Variants in TRDN observed in about 807,000 individuals in gnomAD.
TRDN encodes the protein triadin in skeletal muscle.
A neutral mutation model predicts 149.7 loss-of-function variants in TRDN; 161 were observed. That is an observed-to-expected ratio of 1.08 (90% CI 0.95 to 1.23). The LOEUF (loss-of-function observed/expected upper bound fraction) is 1.23. Among genes scored for constraint, TRDN ranks in the 50% most tolerant of loss-of-function variants. TRDN has a pLI of 0.00. For synonymous variants in TRDN, 294 were observed against 250.5 expected (o/e 1.17, Z -1.64); for missense variants, 896 against 823.5 (o/e 1.09, Z -1.08).
chr6:123,621,059 C>G (rs1446814600), intron 1 of TRDN, among the ~76,000 whole-genome samples: 1 of 152,072 alleles, frequency 6.6e-6, no homozygotes, highest in African/African-American at 2.4e-5. Flanking sequence ...ATTGGTCCAG[C>G]TCCAAGTAAA....
intron 12 of TRDN, among the ~76,000 whole-genome samples, chr6:123,425,202 A>G (rs1774065095): frequency 6.6e-6 from 1 of 151,296 alleles, no homozygotes; most frequent in South Asian, 2.1e-4. Context: ...AGAGGAAAAT[A>G]CTGAGCATAG....
chr6:123,566,615 C>T (rs770888383), intron 2 of TRDN, among the ~76,000 whole-genome samples: 1 of 152,152 alleles, frequency 6.6e-6, no homozygotes, highest in African/African-American at 2.4e-5. Flanking sequence ...TTCTGGCCTT[C>T]CAAATCATTT....
At chr6:123,327,689 C>A (rs539048685) in intron 23 of TRDN, among the ~76,000 whole-genome samples, 1 of 152,028 alleles carries the variant, frequency 6.6e-6, no homozygotes, top group Non-Finnish European at 1.5e-5. Flanking sequence ...ATCTTGTATC[C>A]AGAAGTTTTG....
intron 24 of TRDN, among the ~76,000 whole-genome samples, chr6:123,286,521 A>C (rs1000408760): frequency 2.0e-5 from 3 of 151,994 alleles, no homozygotes; most frequent in African/African-American, 7.2e-5. Context: ...TTTGGGGACC[A>C]GTTTGAAAGG....
intron 24 of TRDN, among the ~76,000 whole-genome samples, chr6:123,291,993 T>C (rs1778027158): frequency 6.6e-6 from 1 of 152,150 alleles, no homozygotes; most frequent in Non-Finnish European, 1.5e-5. Context: ...TTCTATGCTG[T>C]TGGTTTTCCT....
chr6:123,559,545 C>T (rs1260091581), intron 2 of TRDN, among the ~76,000 whole-genome samples: 1 of 152,162 alleles, frequency 6.6e-6, no homozygotes, highest in African/African-American at 2.4e-5. Flanking sequence ...TCTACTCCCT[C>T]CTTGGCAACC....
chr6:123,453,766 A>G (rs868337953), intron 10 of TRDN, among the ~76,000 whole-genome samples: 7 of 152,154 alleles, frequency 4.6e-5, no homozygotes, highest in Non-Finnish European at 8.8e-5. Context: ...TATCTACCCA[A>G]AGGAAAAGAA....
At chr6:123,345,339 T>C (rs996630742) in intron 21 of TRDN, among the ~76,000 whole-genome samples, 1 of 152,040 alleles carries the variant, frequency 6.6e-6, no homozygotes, top group Admixed American at 6.6e-5. Context: ...CAAATTGTTT[T>C]TTCTCCTTTG....
At chr6:123,565,451 C>G (rs1398987052) in intron 2 of TRDN, among the ~76,000 whole-genome samples, 1 of 152,188 alleles carries the variant, frequency 6.6e-6, no homozygotes, top group Non-Finnish European at 1.5e-5. Context: ...CCATTTCACT[C>G]TCACAAGTAT....
At chr6:123,418,365 T>C (rs1773744161) in intron 12 of TRDN, 1 of 152,138 alleles carries the variant, frequency 6.6e-6, no homozygotes, top group Admixed American at 6.6e-5. Context: ...AAAAGCAAGT[T>C]ACTGAATCAA....
intron 1 of TRDN, among the ~76,000 whole-genome samples, chr6:123,576,317 C>G (rs2114560156): frequency 6.6e-6 from 1 of 152,156 alleles, no homozygotes; most frequent in East Asian, 1.9e-4. Flanking sequence ...AAAATGTAAA[C>G]TAGTCTCTGG....
Position 123,636,779 on chromosome 6 carries a change from G to A in TRDN, c.-4C>T. 2 of 1,611,508 alleles carry A rather than the reference G, an allele frequency of 1.2e-6. No homozygotes were observed. Among genetic ancestry groups the A allele is most frequent in the Non-Finnish European group, 1.7e-6 (2 of 1,178,358 alleles). On this transcript the variant is annotated 5_prime_UTR_variant, in exon 1 of 41. Transcript: ENST00000334268. ...CTTCAGCAGTGATCTCAGTCATGGT[G>A]GTCGTCAAAAGTAAAAGTCAGTTGA...
At chr6:123,625,980 G>A (rs1327009003) in intron 1 of TRDN, among the ~76,000 whole-genome samples, 1 of 152,156 alleles carries the variant, frequency 6.6e-6, no homozygotes, top group East Asian at 1.9e-4. Context: ...TCTGTAGTAT[G>A]TGACATTCAC....
intron 10 of TRDN, among the ~76,000 whole-genome samples, chr6:123,450,755 C>G (rs989359907): frequency 1.3e-5 from 2 of 152,008 alleles, no homozygotes; most frequent in African/African-American, 4.8e-5. Flanking sequence ...CTGGACTTAA[C>G]AGATATATAC....
intron 22 of TRDN, among the ~76,000 whole-genome samples, chr6:123,335,743 T>C (rs1416172418): frequency 1.3e-5 from 2 of 152,086 alleles, no homozygotes. Flanking sequence ...AACAATAACA[T>C]GTGGTTCAAG....
chr6:123,558,340 C>G (rs550662413), intron 2 of TRDN, among the ~76,000 whole-genome samples: 4 of 152,212 alleles, frequency 2.6e-5, no homozygotes, highest in African/African-American at 9.6e-5. Context: ...AGCCTCCACT[C>G]CCGCACCCTA....
intron 35 of TRDN, 99 bp downstream of exon 35, chr6:123,259,525 A>G (rs1432210963): frequency 5.1e-6 from 4 of 784,962 alleles, no homozygotes; most frequent in African/African-American, 1.8e-5. Flanking sequence ...CTTCATTTTC[A>G]TCAACTGTTT....
At chr6:123,390,689 G>A (rs758778389) in intron 13 of TRDN, among the ~76,000 whole-genome samples, 1 of 152,036 alleles carries the variant, frequency 6.6e-6, no homozygotes, top group Non-Finnish European at 1.5e-5. Flanking sequence ...TGTGTTCCAC[G>A]TGTCCTACTT....
intron 1 of TRDN, among the ~76,000 whole-genome samples, chr6:123,583,310 G>A (rs1244770857): frequency 6.6e-6 from 1 of 151,956 alleles, no homozygotes; most frequent in Admixed American, 6.5e-5. Context: ...AAGTTTTTGG[G>A]GGGCACAGTC....
Sources: gnomAD v4.1 joint callset for allele counts (sites outside exome capture counted in the v4.1 genomes callset) on GRCh38, gnomAD v4.1.1 for gene constraint, MANE v1.5 for transcripts, NCBI Gene and HGNC (gene_info 2026-07-23, HGNC 2026-07-21) for gene names.